USP47: variants seen among roughly 807,000 people sequenced by gnomAD.
USP47 encodes the protein ubiquitin carboxyl-terminal hydrolase 47.
USP47 carries 35 observed loss-of-function variants against 165.1 expected under a neutral mutation model. The ratio of observed to expected loss-of-function variants is 0.21; its 90% CI spans 0.16 to 0.28. The LOEUF (loss-of-function observed/expected upper bound fraction) is 0.28. Among genes scored for constraint, USP47 ranks in the 10% least tolerant of loss-of-function variants. The probability of loss-of-function intolerance (pLI) is 1.00; values close to 1 mark genes in which losing one functional copy is unlikely to be tolerated. For missense variants in USP47, 1,277 were observed against 1,607.4 expected, an observed-to-expected ratio of 0.79 and a Z score of 3.52; for synonymous variants, 531 against 544.5, an observed-to-expected ratio of 0.98 and a Z score of 0.35.
intron 2 of USP47, among the ~76,000 whole-genome samples, chr11:11,882,812 G>A (rs564091530): frequency 1.3e-5 from 2 of 152,100 alleles, no homozygotes; most frequent in South Asian, 2.1e-4. Flanking sequence ...CAGGAACCTC[G>A]TATAAATTTC....
intron 4 of USP47, among the ~76,000 whole-genome samples, chr11:11,892,903 A>G (rs961273921): frequency 6.6e-6 from 1 of 151,654 alleles, no homozygotes; most frequent in Non-Finnish European, 1.5e-5. Context: ...TGAAATTTTT[A>G]AAGTGGACTT....
intron 5 of USP47, among the ~76,000 whole-genome samples, chr11:11,901,442 G>T (rs922209412): frequency 2.0e-5 from 3 of 152,050 alleles, no homozygotes; most frequent in Admixed American, 6.6e-5. Flanking sequence ...ACTTTGGTGG[G>T]TACATTACCA....
intron 3 of USP47, among the ~76,000 whole-genome samples, chr11:11,891,603 C>G (rs1851517763): frequency 6.6e-6 from 1 of 152,186 alleles, no homozygotes; most frequent in African/African-American, 2.4e-5. Flanking sequence ...TAATCCTTTT[C>G]AGCATCTTCC....
At chr11:11,940,376 C>A in intron 18 of USP47, 53 bp from the exon 19 acceptor site, 1 of 1,530,580 alleles carries the variant, frequency 6.5e-7, no homozygotes, top group South Asian at 1.3e-5. Context: ...ATTTTTAAGT[C>A]AAGCAGAATT....
intron 27 of USP47, 114 bp downstream of exon 27, chr11:11,955,278 T>C: frequency 7.8e-7 from 1 of 1,285,012 alleles, no homozygotes; most frequent in Non-Finnish European, 1.0e-6. Flanking sequence ...CACTAACCGG[T>C]AGAAATACAG....
In USP47 at chr11:11,956,273, A is replaced by T; in HGVS notation, c.*98A>T. The T allele has an allele frequency of 1.5e-6, 2 of 1,369,516 alleles. No homozygotes were observed. Among genetic ancestry groups the T allele is most frequent in the Non-Finnish European group, 2.0e-6 (2 of 982,538 alleles). 84.8% of individuals were successfully genotyped at this position (1,369,516 alleles called of 1,614,324 possible). The stretch of plus-strand genomic sequence containing the variant: ...CATTTTGGCCGGACATGGTTGGGGT[A>T]ACCCAGTGACACCAGCACTGATTGG... On this transcript the variant is annotated 3_prime_UTR_variant, in exon 28 of 28. Transcript: ENST00000527733.
At position 11,902,700 on chromosome 11, in the gene USP47, A is replaced by AT. The variant is rs767423478; in HGVS notation, c.594-11dup. Reference sequence around the variant, plus strand: ...ATCATTTTATAAATACTTTATTAACATTTTATTTTAATAGGTGGGAATTTG... The same window carrying AT: ...ATCATTTTATAAATACTTTATTAACATTTTTATTTTAATAGGTGGGAATTTG... On this transcript the variant is annotated splice_polypyrimidine_tract_variant and intron_variant, in intron 5 of 27. Transcript: ENST00000527733. The AT allele has an allele frequency of 3.4e-6, 5 of 1,472,894 alleles. No homozygotes were observed. The highest frequency in any genetic ancestry group is 4.5e-6 in the Non-Finnish European group (5 of 1,105,482). The allele number at this position is 1,472,894 out of a possible 1,614,324, so 91.2% of individuals were successfully genotyped here. A position where few individuals can be genotyped will look rare whatever the true frequency, so the allele number is the denominator to read the frequency against.
chr11:11,930,386 C>A (rs72857628), intron 13 of USP47, among the ~76,000 whole-genome samples: 2 of 152,012 alleles, frequency 1.3e-5, no homozygotes, highest in Non-Finnish European at 2.9e-5. Flanking sequence ...GTGATTTTTA[C>A]TATTTGGTCC....
chr11:11,847,467 C>T (rs1306807459), intron 1 of USP47, among the ~76,000 whole-genome samples: 1 of 152,100 alleles, frequency 6.6e-6, no homozygotes, highest in African/African-American at 2.4e-5. Context: ...TGGTTGTACT[C>T]TAGGACCCAC....
intron 20 of USP47, 83 bp downstream of exon 20, chr11:11,943,195 G>T: frequency 7.0e-7 from 1 of 1,431,898 alleles, no homozygotes; most frequent in Non-Finnish European, 9.4e-7. Flanking sequence ...TAAGTGTTAG[G>T]TACTTAGTTC....
chr11:11,877,150 GA>G (rs34092972), intron 1 of USP47, among the ~76,000 whole-genome samples: 46,741 of 146,850 alleles, frequency 0.32, 8,064 homozygotes, highest in East Asian at 0.53. Context: ...AGCTATTTAA[GA>G]AAAAAAAAAA....
In USP47 at chr11:11,948,006, C is replaced by T; in HGVS notation, c.3153C>T (p.Pro1051=). The stretch of plus-strand genomic sequence containing the variant: ...CAGCTTTCAAACAACATTTAGAGCC[C>T]TTTGTTGGAGTTTTGTCCTCTCACT... ...TLAAFKQHLE[P]FVGVLSSHFK... Residue 1051 remains proline, a synonymous_variant, in exon 21 of 28, where the codon CCC becomes CCT. Coordinates refer to ENST00000527733, the MANE Select transcript of USP47 (RefSeq NM_001282659.2). 6.2e-7 allele frequency: 1 copy of T among 1,613,580 alleles called. No individual in the cohort carries two copies. Among genetic ancestry groups the T allele is most frequent in the Non-Finnish European group, 8.5e-7 (1 of 1,179,808 alleles).
chr11:11,909,663 T>A (rs1295998570), intron 8 of USP47, among the ~76,000 whole-genome samples: 1 of 152,214 alleles, frequency 6.6e-6, no homozygotes, highest in Non-Finnish European at 1.5e-5. Flanking sequence ...ACTTTTATTC[T>A]ATTGTTCATT....
At chr11:11,920,320 CT>C in intron 9 of USP47, 21 bp from the exon 10 acceptor site, 1 of 1,606,422 alleles carries the variant, frequency 6.2e-7, no homozygotes, top group Non-Finnish European at 8.5e-7. Context: ...GACTCTCCCC[CT>C]TTTTGTTGTT....
At position 11,942,976 on chromosome 11, in the gene USP47, A is replaced by G; in HGVS notation, c.2955A>G (p.Thr985=). ...AAGCAAATGAAGGGAAAAAAGAAACATGGGATACAGCAGAAGAAGACTCTG... is the reference window on the plus strand; with the variant it reads ...AAGCAAATGAAGGGAAAAAAGAAACGTGGGATACAGCAGAAGAAGACTCTG... The part of the protein sequence containing the change: ...RTKANEGKKE[T]WDTAEEDSGT... The change falls in exon 20 of 28, where the codon ACA becomes ACG. Residue 985 remains threonine (T), a synonymous_variant. Transcript: ENST00000527733. 1 of 1,613,548 alleles carries G rather than the reference A, an allele frequency of 6.2e-7. No homozygotes were observed. The highest frequency in any genetic ancestry group is 8.5e-7 in the Non-Finnish European group (1 of 1,179,654).
intron 4 of USP47, among the ~76,000 whole-genome samples, chr11:11,897,317 A>C (rs1451355573): frequency 6.6e-6 from 1 of 151,990 alleles, no homozygotes; most frequent in African/African-American, 2.4e-5. Context: ...TACTTTACTG[A>C]ACATATTACT....
chr11:11,908,144 C>T (rs751118230), intron 8 of USP47, among the ~76,000 whole-genome samples: 30 of 152,038 alleles, frequency 2.0e-4, no homozygotes, highest in Non-Finnish European at 3.8e-4. Context: ...TGCATGTGCA[C>T]GCACATGTAC....
At chr11:11,860,990 G>T (rs961299001) in intron 1 of USP47, among the ~76,000 whole-genome samples, 2 of 152,206 alleles carry the variant, frequency 1.3e-5, no homozygotes, top group Admixed American at 6.5e-5. Flanking sequence ...GTGTTCAAAT[G>T]TGACGTTGGG....
chr11:11,916,666 T>A (rs1853441104), intron 8 of USP47, among the ~76,000 whole-genome samples: 1 of 151,330 alleles, frequency 6.6e-6, no homozygotes, highest in Non-Finnish European at 1.5e-5. Flanking sequence ...AAAAAAAAAA[T>A]TGAAAGAGAA....
Sources: allele counts gnomAD v4.1 joint callset (sites outside exome capture counted in the v4.1 genomes callset), GRCh38; gene constraint gnomAD v4.1.1; transcripts MANE v1.5; gene names NCBI Gene and HGNC (gene_info 2026-07-23, HGNC 2026-07-21).